The following TBC1D5 variants were observed in gnomAD, a reference collection of about 807,000 sequenced individuals.
The protein encoded by TBC1D5 is TBC1 domain family, member 5.
In TBC1D5, 75 loss-of-function variants were observed where a neutral mutation model predicts 100.3. The observed-to-expected ratio is 0.75, with a 90% CI of 0.62 to 0.91. The LOEUF (loss-of-function observed/expected upper bound fraction) is 0.91. TBC1D5 is among the 40% of genes least tolerant of loss of function. TBC1D5 has a pLI of 0.00. For missense variants in TBC1D5, 910 were observed against 942.4 expected (o/e 0.97, Z 0.45); for synonymous variants, 323 against 325.6 (o/e 0.99, Z 0.09).
intron 1 of TBC1D5, among the ~76,000 whole-genome samples, chr3:17,680,376 A>G (rs557303481): frequency 2.0e-5 from 3 of 150,946 alleles, no homozygotes; most frequent in Non-Finnish European, 2.9e-5. Flanking sequence ...ACACACCACC[A>G]TATCTGGCTG....
intron 1 of TBC1D5, among the ~76,000 whole-genome samples, chr3:17,699,301 C>A (rs1251343744): frequency 7.1e-6 from 1 of 139,882 alleles, no homozygotes; most frequent in Admixed American, 7.4e-5. Context: ...GAACAAAAAA[C>A]CAAACACCAC....
chr3:17,388,046 ACT>A (rs1337486322), intron 8 of TBC1D5, among the ~76,000 whole-genome samples: 1 of 152,062 alleles, frequency 6.6e-6, no homozygotes, highest in Admixed American at 6.6e-5. Flanking sequence ...TGAGGGCGAA[ACT>A]CTAAAAATAG....
chr3:17,672,200 T>C (rs1263529905), intron 1 of TBC1D5, among the ~76,000 whole-genome samples: 1 of 152,190 alleles, frequency 6.6e-6, no homozygotes, highest in African/African-American at 2.4e-5. Context: ...TTTTGCAAAA[T>C]ATAAAACACC....
At chr3:17,692,998 C>G (rs922346938) in intron 1 of TBC1D5, among the ~76,000 whole-genome samples, 1 of 152,208 alleles carries the variant, frequency 6.6e-6, no homozygotes, top group Non-Finnish European at 1.5e-5. Flanking sequence ...GGCGGAGCCC[C>G]CTTGGCATAT....
At chr3:17,407,717 G>A (rs968734946) in intron 4 of TBC1D5, among the ~76,000 whole-genome samples, 2 of 152,066 alleles carry the variant, frequency 1.3e-5, no homozygotes, top group South Asian at 2.1e-4. Context: ...GACACATTCC[G>A]TACTGCCACC....
chr3:17,166,536 G>C (rs900407948), intron 21 of TBC1D5, among the ~76,000 whole-genome samples: 15 of 152,178 alleles, frequency 9.9e-5, no homozygotes, highest in Admixed American at 3.3e-4. Flanking sequence ...GGGTTTGTAG[G>C]GCACGCACCG....
intron 3 of TBC1D5, among the ~76,000 whole-genome samples, chr3:17,485,213 A>T (rs565406140): frequency 6.6e-6 from 1 of 152,186 alleles, no homozygotes; most frequent in Non-Finnish European, 1.5e-5. Context: ...TCCTCTGTTT[A>T]TATGCCTGAA....
In TBC1D5 at chr3:17,249,304, CCTAA is replaced by C. The variant is rs1319020208; in HGVS notation, c.1331+9198_1331+9201del. Among the ~76,000 whole-genome samples, 6 of 152,296 alleles carry C rather than the reference CCTAA, an allele frequency of 3.9e-5. No homozygotes were observed. The East Asian group carries it at 5.8e-4, about 15-fold the overall frequency. ...CCCATTTCAGCTTCTGACGTGCCTT[CCTAA>C]CTAAGCTTCAACATTTCCAGTTTTT... On this transcript the variant is annotated intron_variant, in intron 16 of 21. Coordinates refer to ENST00000253692, the Ensembl canonical transcript of TBC1D5.
chr3:17,640,774 C>T (rs889467307), intron 1 of TBC1D5, among the ~76,000 whole-genome samples: 8 of 151,884 alleles, frequency 5.3e-5, no homozygotes, highest in African/African-American at 1.9e-4. Flanking sequence ...AAAGAAATAA[C>T]TTGAAATAAA....
intron 2 of TBC1D5, among the ~76,000 whole-genome samples, chr3:17,532,899 A>G (rs770351395): frequency 1.3e-5 from 2 of 152,080 alleles, no homozygotes; most frequent in Non-Finnish European, 2.9e-5. Flanking sequence ...TGAGGAGTTA[A>G]TGGGTGCAGC....
chr3:17,283,481 A>G (rs955022017), intron 15 of TBC1D5, among the ~76,000 whole-genome samples: 2 of 152,190 alleles, frequency 1.3e-5, no homozygotes, highest in African/African-American at 4.8e-5. Context: ...GGTATACAGA[A>G]GGCAGCTAAG....
intron 1 of TBC1D5, among the ~76,000 whole-genome samples, chr3:17,657,462 G>A (rs902611851): frequency 4.0e-5 from 6 of 150,774 alleles, no homozygotes; most frequent in Non-Finnish European, 4.4e-5. Context: ...TCAGTCTCCC[G>A]AGTAGCTGGG....
chr3:17,250,237 T>C (rs958703611), intron 16 of TBC1D5, among the ~76,000 whole-genome samples: 1 of 152,222 alleles, frequency 6.6e-6, no homozygotes, highest in Non-Finnish European at 1.5e-5. Context: ...ATCACTTTTC[T>C]CTCTCTGCAC....
chr3:17,278,505 T>C (rs544623173), intron 15 of TBC1D5, among the ~76,000 whole-genome samples: 1 of 152,372 alleles, frequency 6.6e-6, no homozygotes, highest in Non-Finnish European at 1.5e-5. Context: ...AATTAAGCTA[T>C]ATTTAATTTT....
In TBC1D5 at chr3:17,660,933, A is replaced by G. The variant is rs961384460; in HGVS notation, c.-100-37020T>C. Reference sequence around the variant, plus strand: ...ATAGCTTTAATAAACAACATTTTATAAACAAATTACAATCTTTAGAAGGCT... The same window carrying G: ...ATAGCTTTAATAAACAACATTTTATGAACAAATTACAATCTTTAGAAGGCT... On this transcript the variant is annotated intron_variant, in intron 1 of 21. Transcript: ENST00000253692. Among the ~76,000 whole-genome samples the G allele has an allele frequency of 2.6e-5, 4 of 152,214 alleles. No individual in the cohort carries two copies. In the South Asian group the frequency reaches 8.3e-4, roughly 31 times the overall value.
At chr3:17,442,339 T>C (rs2149555466) in intron 3 of TBC1D5, among the ~76,000 whole-genome samples, 1 of 152,340 alleles carries the variant, frequency 6.6e-6, no homozygotes, top group Non-Finnish European at 1.5e-5. Context: ...AAACTCTTAA[T>C]AAGGCTACCC....
At chr3:17,650,664 T>C (rs984366196) in intron 1 of TBC1D5, among the ~76,000 whole-genome samples, 3 of 152,216 alleles carry the variant, frequency 2.0e-5, no homozygotes, top group Non-Finnish European at 2.9e-5. Context: ...TGGCTCTGTA[T>C]TGATGAAAGT....
At chr3:17,390,428 TCAC>T (rs932206912) in intron 8 of TBC1D5, among the ~76,000 whole-genome samples, 8 of 152,130 alleles carry the variant, frequency 5.3e-5, no homozygotes, top group African/African-American at 9.7e-5. Context: ...AAGGGTTTTG[TCAC>T]CACATTATAG....
At chr3:17,597,488 C>T (rs555466243) in intron 2 of TBC1D5, among the ~76,000 whole-genome samples, 67 of 152,268 alleles carry the variant, frequency 4.4e-4, no homozygotes, top group Non-Finnish European at 6.9e-4. Context: ...ACCATTACAC[C>T]ATGCTATACT....
Sources: allele counts gnomAD v4.1 joint callset (sites outside exome capture counted in the v4.1 genomes callset), GRCh38; gene constraint gnomAD v4.1.1; transcripts MANE v1.5; gene names NCBI Gene and HGNC (gene_info 2026-07-23, HGNC 2026-07-21).